HEMK2: variants seen among roughly 807,000 people sequenced by gnomAD.
The protein encoded by HEMK2 is methyltransferase HEMK2.
At chr21:28,602,059 G>A in the HEMK2 span, among the ~76,000 whole-genome samples, 3 of 152,056 alleles carry the variant, frequency 2.0e-5, no homozygotes, top group African/African-American at 7.2e-5. Flanking sequence ...TTTCCTCAGG[G>A]GGAAGAATTT....
the HEMK2 span, among the ~76,000 whole-genome samples, chr21:28,860,848 T>C: frequency 2.6e-3 from 390 of 152,310 alleles, 3 homozygotes; most frequent in African/African-American, 9.2e-3. Context: ...CTGCATTTAA[T>C]GTTGCAGCTC....
the HEMK2 span, among the ~76,000 whole-genome samples, chr21:28,864,913 TATAG>T: frequency 1.4e-4 from 20 of 144,208 alleles, no homozygotes; most frequent in Middle Eastern, 3.5e-3. Context: ...AGATAGATGA[TATAG>T]ATAGATAGAC....
the HEMK2 span, among the ~76,000 whole-genome samples, chr21:28,779,692 T>G: frequency 6.6e-6 from 1 of 152,286 alleles, no homozygotes; most frequent in East Asian, 1.9e-4. Flanking sequence ...TCCCAGAAAC[T>G]TTCTCTCTAG....
the HEMK2 span, among the ~76,000 whole-genome samples, chr21:28,642,504 G>T: frequency 6.6e-6 from 1 of 152,190 alleles, no homozygotes; most frequent in Non-Finnish European, 1.5e-5. Flanking sequence ...TTTCAGCTCT[G>T]CTCTCTGGGG....
At chr21:28,739,707 T>G in the HEMK2 span, among the ~76,000 whole-genome samples, 20 of 152,222 alleles carry the variant, frequency 1.3e-4, no homozygotes, top group Non-Finnish European at 2.6e-4. Flanking sequence ...TATTCAAATT[T>G]AAATTAACTA....
At chr21:28,640,666 G>T in the HEMK2 span, among the ~76,000 whole-genome samples, 4 of 152,128 alleles carry the variant, frequency 2.6e-5, no homozygotes, top group African/African-American at 4.8e-5. Flanking sequence ...ACTTCTTGGA[G>T]TCCCTAGTGG....
chr21:28,854,001 C>T, the HEMK2 span, among the ~76,000 whole-genome samples: 2 of 152,178 alleles, frequency 1.3e-5, no homozygotes, highest in Non-Finnish European at 2.9e-5. Flanking sequence ...ACAATTTCAG[C>T]TCTTTCTCGA....
chr21:28,717,622 G>T, the HEMK2 span, among the ~76,000 whole-genome samples: 1 of 151,586 alleles, frequency 6.6e-6, no homozygotes, highest in African/African-American at 2.4e-5. Context: ...TGGGATTACA[G>T]GTGCATGCCA....
the HEMK2 span, among the ~76,000 whole-genome samples, chr21:28,597,933 G>A: frequency 0.018 from 2,717 of 152,174 alleles, 106 homozygotes; most frequent in African/African-American, 0.063. Context: ...AACAGAAATC[G>A]TCATTTTTGC....
the HEMK2 span, among the ~76,000 whole-genome samples, chr21:28,835,653 T>C: frequency 6.6e-6 from 1 of 152,030 alleles, no homozygotes; most frequent in Non-Finnish European, 1.5e-5. Flanking sequence ...CTGATTTACC[T>C]GAAAAAGAAT....
the HEMK2 span, among the ~76,000 whole-genome samples, chr21:28,870,267 C>T: frequency 6.6e-6 from 1 of 152,216 alleles, no homozygotes; most frequent in African/African-American, 2.4e-5. Flanking sequence ...AGCACAGTTC[C>T]CCCCAATTAT....
the HEMK2 span, among the ~76,000 whole-genome samples, chr21:28,813,922 T>C: frequency 1.3e-5 from 2 of 152,022 alleles, no homozygotes; most frequent in Non-Finnish European, 2.9e-5. Context: ...AAACAAAAAT[T>C]AACACAAGAT....
At chr21:28,591,666 C>T in the HEMK2 span, among the ~76,000 whole-genome samples, 1 of 151,940 alleles carries the variant, frequency 6.6e-6, no homozygotes, top group African/African-American at 2.4e-5. Flanking sequence ...AGCCTAGTAC[C>T]CAATAATTAT....
the HEMK2 span, among the ~76,000 whole-genome samples, chr21:28,650,949 G>A: frequency 6.6e-6 from 1 of 152,146 alleles, no homozygotes; most frequent in African/African-American, 2.4e-5. Context: ...CTAAAGGTGG[G>A]TACAGAGTGG....
chr21:28,600,035 C>T, the HEMK2 span, among the ~76,000 whole-genome samples: 8 of 152,218 alleles, frequency 5.3e-5, no homozygotes, highest in Non-Finnish European at 8.8e-5. Context: ...CTTTCACAGA[C>T]TGACATTGAG....
At chr21:28,638,446 G>C in the HEMK2 span, among the ~76,000 whole-genome samples, 9 of 152,312 alleles carry the variant, frequency 5.9e-5, 1 homozygote, top group South Asian at 1.7e-3. Flanking sequence ...AGCCTGGAGA[G>C]GCCAGCAAGA....
the HEMK2 span, among the ~76,000 whole-genome samples, chr21:28,797,137 C>A: frequency 6.6e-6 from 1 of 152,086 alleles, no homozygotes; most frequent in Non-Finnish European, 1.5e-5. Context: ...TTTATGTACA[C>A]TTGGCAGAAG....
At chr21:28,701,861 C>T in the HEMK2 span, among the ~76,000 whole-genome samples, 1 of 151,914 alleles carries the variant, frequency 6.6e-6, no homozygotes, top group Non-Finnish European at 1.5e-5. Flanking sequence ...CAAAAAAGAG[C>T]TCAAATAGCC....
chr21:28,764,458 C>T, the HEMK2 span, among the ~76,000 whole-genome samples: 1 of 151,950 alleles, frequency 6.6e-6, no homozygotes, highest in Non-Finnish European at 1.5e-5. Context: ...TTATAATAAA[C>T]AAGGAATATA....
Sources: gnomAD v4.1 joint callset for allele counts (sites outside exome capture counted in the v4.1 genomes callset) on GRCh38, gnomAD v4.1.1 for gene constraint, MANE v1.5 for transcripts, NCBI Gene and HGNC (gene_info 2026-07-23, HGNC 2026-07-21) for gene names.